NEK10: variants seen among roughly 807,000 people sequenced by gnomAD.
NEK10 encodes the protein NIMA related kinase 10, also known as serine/threonine-protein kinase Nek10.
In NEK10, 122 loss-of-function variants were observed where a neutral mutation model predicts 159.8. That is an observed-to-expected ratio of 0.76 (90% confidence interval 0.66 to 0.89). The LOEUF (loss-of-function observed/expected upper bound fraction) is 0.89, where lower values mean the gene tolerates loss of function less well. Among genes scored for constraint, NEK10 ranks in the 40% least tolerant of loss-of-function variants. The pLI is 0.00. For missense variants in NEK10, 1,342 were observed against 1,323.1 expected (o/e 1.01, Z -0.22); for synonymous variants, 466 against 457.1 (o/e 1.02, Z -0.25).
chr3:27,158,696 G>A (rs571609442), intron 30 of NEK10, among the ~76,000 whole-genome samples: 45 of 152,204 alleles, frequency 3.0e-4, no homozygotes, highest in African/African-American at 1.1e-3. Context: ...GCAAGGGAGG[G>A]GAAAATGTCA....
At chr3:27,281,373 A>T (rs551949057) in intron 22 of NEK10, among the ~76,000 whole-genome samples, 1 of 152,176 alleles carries the variant, frequency 6.6e-6, no homozygotes, top group South Asian at 2.1e-4. Context: ...AATTTTAAAG[A>T]CCCATCCAAA....
chr3:27,176,848 T>G (rs1348540905), intron 26 of NEK10, among the ~76,000 whole-genome samples: 2 of 152,218 alleles, frequency 1.3e-5, no homozygotes, highest in African/African-American at 4.8e-5. Context: ...ATTTTTGAAT[T>G]GAGAAAACTT....
intron 23 of NEK10, among the ~76,000 whole-genome samples, chr3:27,233,317 A>C (rs1176191798): frequency 6.6e-6 from 1 of 152,156 alleles, no homozygotes; most frequent in Non-Finnish European, 1.5e-5. Flanking sequence ...TCATCAGGGA[A>C]ACACAAATTA....
chr3:27,339,183 A>G (rs1559527294), intron 5 of NEK10, among the ~76,000 whole-genome samples: 1 of 152,176 alleles, frequency 6.6e-6, no homozygotes, highest in Non-Finnish European at 1.5e-5. Flanking sequence ...GAAGCTCTTT[A>G]GTTTAATTAG....
chr3:27,224,930 A>G (rs981678323), intron 23 of NEK10, among the ~76,000 whole-genome samples: 2 of 152,206 alleles, frequency 1.3e-5, no homozygotes, highest in Non-Finnish European at 2.9e-5. Context: ...TTATAACTAC[A>G]TGAAGATCCA....
chr3:27,137,197 C>T (rs1033870029), intron 31 of NEK10, among the ~76,000 whole-genome samples: 8 of 152,064 alleles, frequency 5.3e-5, no homozygotes, highest in African/African-American at 1.7e-4. Context: ...TTTTAAAAAT[C>T]ACGATAGTTA....
At chr3:27,337,030 C>CA (rs538064258) in intron 5 of NEK10, among the ~76,000 whole-genome samples, 1 of 151,314 alleles carries the variant, frequency 6.6e-6, no homozygotes, top group African/African-American at 2.4e-5. Flanking sequence ...ACACATTTGG[C>CA]GGGGGGGAAA....
intron 23 of NEK10, among the ~76,000 whole-genome samples, chr3:27,238,764 T>A (rs1954236410): frequency 6.6e-6 from 1 of 150,876 alleles, no homozygotes; most frequent in Non-Finnish European, 1.5e-5. Flanking sequence ...TGTGTGTGTG[T>A]GTGTGTGTGT....
chr3:27,250,337 C>T (rs545612899), intron 23 of NEK10, among the ~76,000 whole-genome samples: 2 of 152,076 alleles, frequency 1.3e-5, no homozygotes, highest in African/African-American at 4.8e-5. Flanking sequence ...CAGGCGCCCA[C>T]CACCATGCCC....
intron 23 of NEK10, among the ~76,000 whole-genome samples, chr3:27,234,858 CA>C (rs1204655263): frequency 2.0e-5 from 3 of 152,092 alleles, no homozygotes; most frequent in Non-Finnish European, 2.9e-5. Flanking sequence ...TACCTGACTC[CA>C]AGCTATACTA....
intron 5 of NEK10, among the ~76,000 whole-genome samples, chr3:27,334,214 A>G (rs1191085705): frequency 6.6e-6 from 1 of 152,180 alleles, no homozygotes; most frequent in Non-Finnish European, 1.5e-5. Flanking sequence ...GGCACCTACC[A>G]GCATGTGCTG....
At chr3:27,295,557 T>C (rs2043296456) in intron 15 of NEK10, 56 bp downstream of exon 15, 20 of 1,523,540 alleles carry the variant, frequency 1.3e-5, no homozygotes, top group Non-Finnish European at 1.7e-5. Context: ...CATTTTACCA[T>C]AGTTACCCAA....
At chr3:27,185,520 G>A (rs550827502) in intron 26 of NEK10, among the ~76,000 whole-genome samples, 1 of 152,272 alleles carries the variant, frequency 6.6e-6, no homozygotes, top group South Asian at 2.1e-4. Context: ...TTCAGCCTGT[G>A]GAAAACAGCT....
intron 5 of NEK10, 91 bp from the exon 6 acceptor site, chr3:27,322,352 C>T (rs966100745): frequency 4.6e-5 from 34 of 744,750 alleles, no homozygotes; most frequent in African/African-American, 3.0e-4. Context: ...GTATAAAGAA[C>T]GCACTAAGCA....
chr3:27,162,351 T>C, intron 30 of NEK10: 3 of 1,489,638 alleles, frequency 2.0e-6, no homozygotes, highest in Non-Finnish European at 2.7e-6. Flanking sequence ...AATTCTCCGC[T>C]CTTTGTATTA....
chr3:27,119,789 C>T lies in NEK10; in HGVS notation c.3161G>A (p.Gly1054Glu). 6.2e-7 allele frequency: 1 copy of T among 1,613,960 alleles called. No homozygotes were observed. The highest frequency in any genetic ancestry group is 8.5e-7 in the Non-Finnish European group (1 of 1,179,874). ...DYHLLHRSSG[G>E]NSLSPNDPTG... ...AGGGTCATTTGGGGACAGGCTGTTTCCACCGGATGAACGATGTAATAAATG... is the reference window on the plus strand; with the variant it reads ...AGGGTCATTTGGGGACAGGCTGTTTTCACCGGATGAACGATGTAATAAATG... The change falls in exon 33 of 36, where the codon GGA becomes GAA. Residue 1054 changes from glycine (G) to glutamate (E), a missense_variant. Gly to Glu is a moderately conservative substitution (Grantham distance 98). Transcript: ENST00000691995.
intron 28 of NEK10, among the ~76,000 whole-genome samples, chr3:27,172,091 C>A (rs1200496749): frequency 1.3e-5 from 2 of 151,990 alleles, no homozygotes; most frequent in Non-Finnish European, 2.9e-5. Flanking sequence ...GTAATCCCAG[C>A]ACTTTGTGAG....
intron 28 of NEK10, among the ~76,000 whole-genome samples, chr3:27,172,809 A>C (rs1947131256): frequency 6.6e-6 from 1 of 152,110 alleles, no homozygotes; most frequent in African/African-American, 2.4e-5. Context: ...ATAATAAAGA[A>C]TATATATATT....
intron 20 of NEK10, among the ~76,000 whole-genome samples, chr3:27,286,859 AG>A (rs2042654813): frequency 6.6e-6 from 1 of 152,152 alleles, no homozygotes. Flanking sequence ...CAAATGGCTA[AG>A]GGGACAGGAT....
Sources: gnomAD v4.1 joint callset for allele counts (sites outside exome capture counted in the v4.1 genomes callset) on GRCh38, gnomAD v4.1.1 for gene constraint, MANE v1.5 for transcripts, NCBI Gene and HGNC (gene_info 2026-07-23, HGNC 2026-07-21) for gene names.